The following CADPS variants were observed in gnomAD, a reference collection of about 807,000 sequenced individuals.
The protein encoded by CADPS is calcium-dependent secretion activator 1.
CADPS carries 57 observed loss-of-function variants against 167.3 expected under a neutral mutation model. The observed-to-expected ratio is 0.34, with a 90% CI of 0.28 to 0.42. The LOEUF (loss-of-function observed/expected upper bound fraction) is 0.42. CADPS is among the 20% of genes least tolerant of loss of function. The probability of loss-of-function intolerance (pLI) is 1.00; values close to 1 mark genes in which losing one functional copy is unlikely to be tolerated. For synonymous variants in CADPS, 676 were observed against 635.3 expected (o/e 1.06, Z -0.96); for missense variants, 1,414 against 1,738.1 (o/e 0.81, Z 3.32).
intron 3 of CADPS, among the ~76,000 whole-genome samples, chr3:62,676,065 G>T (rs1343684523): frequency 6.6e-6 from 1 of 152,104 alleles, no homozygotes; most frequent in Non-Finnish European, 1.5e-5. Context: ...AATGTACAAT[G>T]ATGGCAATTG....
intron 3 of CADPS, among the ~76,000 whole-genome samples, chr3:62,668,852 G>A (rs943927109): frequency 1.3e-5 from 2 of 152,282 alleles, no homozygotes; most frequent in South Asian, 4.1e-4. Flanking sequence ...ACAGGACTGA[G>A]TTAATCAGCT....
intron 9 of CADPS, among the ~76,000 whole-genome samples, chr3:62,558,320 C>T (rs1225016477): frequency 6.6e-6 from 1 of 152,244 alleles, no homozygotes; most frequent in Non-Finnish European, 1.5e-5. Flanking sequence ...CAGCTGCAGG[C>T]CCGCCTTCAG....
intron 28 of CADPS, among the ~76,000 whole-genome samples, chr3:62,435,550 A>G (rs952580772): frequency 3.3e-5 from 5 of 152,170 alleles, no homozygotes; most frequent in African/African-American, 1.2e-4. Context: ...CTTTTTTTGC[A>G]CTACATCAGT....
At chr3:62,416,640 T>C (rs2050115644) in intron 28 of CADPS, among the ~76,000 whole-genome samples, 2 of 152,068 alleles carry the variant, frequency 1.3e-5, no homozygotes. Flanking sequence ...GAAAAGAACA[T>C]GTGTACATCA....
intron 3 of CADPS, among the ~76,000 whole-genome samples, chr3:62,740,087 T>C (rs192846616): frequency 8.5e-5 from 13 of 152,370 alleles, no homozygotes; most frequent in African/African-American, 3.1e-4. Context: ...TCTGTTGACC[T>C]AGACTGAGCA....
chr3:62,591,011 C>T (rs554797111), intron 7 of CADPS, among the ~76,000 whole-genome samples: 77 of 152,114 alleles, frequency 5.1e-4, no homozygotes, highest in Non-Finnish European at 9.7e-4. Flanking sequence ...CCTGCCACCA[C>T]GCCCGGCTAA....
intron 3 of CADPS, among the ~76,000 whole-genome samples, chr3:62,746,930 C>T (rs1170624034): frequency 1.3e-5 from 2 of 152,114 alleles, no homozygotes; most frequent in Admixed American, 6.5e-5. Context: ...TTTTAAGCTG[C>T]TAAATTTGTG....
intron 3 of CADPS, among the ~76,000 whole-genome samples, chr3:62,721,829 A>G (rs2075890870): frequency 6.6e-6 from 1 of 152,154 alleles, no homozygotes. Flanking sequence ...CATTTTGCAA[A>G]TGAGGAAACA....
chr3:62,564,968 CT>C (rs2079873960), intron 9 of CADPS, among the ~76,000 whole-genome samples: 1 of 152,126 alleles, frequency 6.6e-6, no homozygotes, highest in African/African-American at 2.4e-5. Context: ...AGCGTTAAGA[CT>C]TTCTAACCTG....
intron 11 of CADPS, among the ~76,000 whole-genome samples, chr3:62,539,785 T>C (rs1009464285): frequency 6.6e-6 from 1 of 152,166 alleles, no homozygotes. Flanking sequence ...CATATTTATA[T>C]ACTACATTGA....
chr3:62,627,197 A>G (rs189480999), intron 6 of CADPS, among the ~76,000 whole-genome samples: 1 of 151,996 alleles, frequency 6.6e-6, no homozygotes, highest in Admixed American at 6.6e-5. Context: ...ATTAATTGTC[A>G]TATTCTGATT....
chr3:62,435,893 T>C (rs1264740675), intron 28 of CADPS, among the ~76,000 whole-genome samples: 3 of 152,086 alleles, frequency 2.0e-5, no homozygotes, highest in African/African-American at 7.2e-5. Flanking sequence ...AATTTTTGAA[T>C]GTCCCTAACT....
intron 7 of CADPS, among the ~76,000 whole-genome samples, chr3:62,591,490 T>A (rs2148785981): frequency 6.6e-6 from 1 of 151,844 alleles, no homozygotes; most frequent in East Asian, 1.9e-4. Context: ...GGGAGAGAAT[T>A]TGGTTTATAT....
At chr3:62,605,627 T>C (rs62242462) in intron 6 of CADPS, among the ~76,000 whole-genome samples, 4,441 of 152,332 alleles carry the variant, frequency 0.029, 84 homozygotes, top group Non-Finnish European at 0.045. Context: ...TACATCCAGC[T>C]GTGCCACTTT....
At chr3:62,515,921 T>C in intron 16 of CADPS, 138 bp downstream of exon 16, 1 of 988,642 alleles carries the variant, frequency 1.0e-6, no homozygotes, top group African/African-American at 1.6e-5. Flanking sequence ...AACTTCGACA[T>C]TTCAGGTGCT....
chr3:62,399,217 C>G lies in CADPS; in HGVS notation c.*189G>C, dbSNP rs779570371. The G allele has an allele frequency of 5.7e-5, 33 of 574,084 alleles. No individual in the cohort carries two copies. The highest frequency in any genetic ancestry group is 7.8e-5 in the Non-Finnish European group (25 of 321,042). 35.6% of individuals were successfully genotyped at this position (574,084 alleles called of 1,614,324 possible). On this transcript the variant is annotated 3_prime_UTR_variant, in exon 30 of 30. Coordinates refer to ENST00000383710, the MANE Select transcript of CADPS (RefSeq NM_003716.4). The surrounding 1 kb of genome is among the most constrained non-coding windows in gnomAD (Gnocchi z 5.6). ...TTGCTTGTAAACATATAGACATGGACATCAGGAAATCAGTGGATATGAAGG... is the reference window on the plus strand; with the variant it reads ...TTGCTTGTAAACATATAGACATGGAGATCAGGAAATCAGTGGATATGAAGG...
intron 1 of CADPS, among the ~76,000 whole-genome samples, chr3:62,817,369 T>C (rs539603335): frequency 2.1e-4 from 32 of 152,240 alleles, no homozygotes; most frequent in Admixed American, 8.5e-4. Context: ...TCTGCATGAT[T>C]TTTCAGGTTG....
intron 1 of CADPS, among the ~76,000 whole-genome samples, chr3:62,812,626 A>G (rs1241508329): frequency 7.9e-5 from 12 of 152,214 alleles, no homozygotes; most frequent in African/African-American, 2.9e-4. Flanking sequence ...TGTGCTGTCT[A>G]GATAGTTCTA....
intron 6 of CADPS, among the ~76,000 whole-genome samples, chr3:62,608,358 C>G (rs148654050): frequency 4.2e-4 from 64 of 151,690 alleles, no homozygotes; most frequent in Admixed American, 7.9e-4. Context: ...TCTCGGCTCA[C>G]GTCAACCTCC....
Sources: allele counts gnomAD v4.1 joint callset (sites outside exome capture counted in the v4.1 genomes callset), GRCh38; gene constraint gnomAD v4.1.1; non-coding constraint Gnocchi (gnomAD v3.1); transcripts MANE v1.5; gene names NCBI Gene and HGNC (gene_info 2026-07-23, HGNC 2026-07-21).